CRTAP: variants seen among roughly 807,000 people sequenced by gnomAD.
CRTAP encodes cartilage-associated protein.
In CRTAP, 33 loss-of-function variants were observed where a neutral mutation model predicts 42.7. That is an observed-to-expected ratio of 0.77 (90% CI 0.59 to 1.03). CRTAP has a LOEUF of 1.03. Among genes scored for constraint, CRTAP ranks in the 50% least tolerant of loss-of-function variants. The probability of loss-of-function intolerance (pLI) is 0.00; values close to 1 mark genes in which losing one functional copy is unlikely to be tolerated. For missense variants in CRTAP, 613 were observed against 533.9 expected, an observed-to-expected ratio of 1.15 and a Z score of -1.46; for synonymous variants, 243 against 217.7, an observed-to-expected ratio of 1.12 and a Z score of -1.02.
At chr3:33,129,591 G>T (rs1000753624) in intron 3 of CRTAP, among the ~76,000 whole-genome samples, 1 of 136,802 alleles carries the variant, frequency 7.3e-6, no homozygotes, top group Non-Finnish European at 1.5e-5. Context: ...AGGCTGGAGT[G>T]CAGTGGCGCG....
intron 2 of CRTAP, among the ~76,000 whole-genome samples, chr3:33,123,234 G>A (rs976406431): frequency 6.6e-6 from 1 of 152,168 alleles, no homozygotes; most frequent in African/African-American, 2.4e-5. Context: ...AGGAAGTGGG[G>A]TGACAGACAC....
Position 33,142,666 on chromosome 3 carries a change from T to A in CRTAP, c.*218T>A. The A allele has an allele frequency of 1.9e-6, 1 of 535,868 alleles. No homozygotes were observed. The allele number at this position is 535,868 out of a possible 1,614,324, so 33.2% of individuals were successfully genotyped here. ...ATGTTCACACCTATCTTTCTCACCT[T>A]TTTTTTGAGATGGAGTCTCGCTCTC... On this transcript the variant is annotated 3_prime_UTR_variant, in exon 7 of 7. Transcript: ENST00000320954.
In CRTAP at chr3:33,117,459, C is replaced by A. The variant is rs140491917; in HGVS notation, c.472-2885C>A. On this transcript the variant is annotated intron_variant, in intron 1 of 6. Coordinates refer to ENST00000320954, the MANE Select transcript of CRTAP (RefSeq NM_006371.5). ...TTCTCGTCACCAGCCTACTCTAGGT[C>A]CATGTCATTAGCTTTCTTTGGGTTC... Among the ~76,000 whole-genome samples the A allele has an allele frequency of 7.1e-3, 1,075 of 152,302 alleles. 17 individuals are homozygous for A. The highest frequency in any genetic ancestry group is 0.024 in the African/African-American group (981 of 41,552).
At chr3:33,140,171 G>A (rs530393448) in intron 6 of CRTAP, among the ~76,000 whole-genome samples, 22 of 152,308 alleles carry the variant, frequency 1.4e-4, no homozygotes, top group Middle Eastern at 3.4e-3. Context: ...ATTCAGTAAA[G>A]CTCTCTCATG....
chr3:33,124,318 T>G, intron 2 of CRTAP, 90 bp from the exon 3 acceptor site: 1 of 1,487,032 alleles, frequency 6.7e-7, no homozygotes, highest in South Asian at 1.1e-5. Flanking sequence ...GAGAGCTAGC[T>G]TGGTGGTGGT....
Position 33,114,541 on chromosome 3 carries a change from A to C in CRTAP, c.464A>C (p.Tyr155Ser). 6.3e-7 allele frequency: 1 copy of C among 1,595,288 alleles called. No individual in the cohort carries two copies. The highest frequency in any genetic ancestry group is 8.5e-7 in the Non-Finnish European group (1 of 1,172,610). Residue 155 changes from tyrosine to serine, a missense_variant, in exon 1 of 7, where the codon TAC becomes TCC. By Grantham distance (144) the Tyr-to-Ser change is moderately radical. Transcript: ENST00000320954. ...REPYKFLQFA[Y>S]FKANNLPKAI... ...CCCTACAAGTTCCTGCAGTTCGCTT[A>C]CTTCAAGGCAAGTCCGCCTCGCCCC... is the stretch of plus-strand genomic sequence containing the variant.
In CRTAP at chr3:33,142,795, C is replaced by T. The variant is rs2030615232; in HGVS notation, c.*347C>T. The T allele has an allele frequency of 7.8e-6, 2 of 255,542 alleles. No individual in the cohort carries two copies. The highest frequency in any genetic ancestry group is 5.5e-5 in the South Asian group (1 of 18,102). 15.8% of individuals were successfully genotyped at this position (255,542 alleles called of 1,614,324 possible). ...TCAGCCTCCCGAGTACCTGGGATTA[C>T]AGGCATGTGCCACCACGCCCGGCTA... is the stretch of plus-strand genomic sequence containing the variant. On this transcript the variant is annotated 3_prime_UTR_variant, in exon 7 of 7. Coordinates refer to ENST00000320954, the MANE Select transcript of CRTAP (RefSeq NM_006371.5).
In CRTAP at chr3:33,119,882, T is replaced by C. The variant is rs146154254; in HGVS notation, c.472-462T>C. 3.0e-3 allele frequency among the ~76,000 whole-genome samples: 453 copies of C among 152,190 alleles called. 4 individuals carry two copies. Among genetic ancestry groups the C allele is most frequent in the African/African-American group, 0.011 (440 of 41,518 alleles). On this transcript the variant is annotated intron_variant, in intron 1 of 6. Coordinates refer to ENST00000320954, the MANE Select transcript of CRTAP (RefSeq NM_006371.5). Reference sequence around the variant, plus strand: ...GAAACCGGGAAGGAGGGAGACTCTATGGAGAGGGTCACCTTGAGAAGAACT... The same window carrying C: ...GAAACCGGGAAGGAGGGAGACTCTACGGAGAGGGTCACCTTGAGAAGAACT...
At chr3:33,135,022 G>C (rs13080362) in intron 6 of CRTAP, among the ~76,000 whole-genome samples, 1,606 of 152,262 alleles carry the variant, frequency 0.011, 19 homozygotes, top group Non-Finnish European at 0.017. Context: ...AGACATCTTC[G>C]TGGAATTTGT....
Position 33,146,554 on chromosome 3 carries a change from A to G in CRTAP, c.*4106A>G, listed in dbSNP as rs1276896209. On this transcript the variant is annotated 3_prime_UTR_variant, in exon 7 of 7. Transcript: ENST00000320954. ...CACATACCGACATATGCAACATACT[A>G]ATACCTTCCTGATTTTCGAGACTTT... 4 of 152,230 alleles carry G rather than the reference A, an allele frequency of 2.6e-5. No individual in the cohort carries two copies. The highest frequency in any genetic ancestry group is 7.2e-5 in the African/African-American group (3 of 41,456). The allele number at this position is 152,230 out of a possible 1,614,324, so 9.4% of individuals were successfully genotyped here.
intron 3 of CRTAP, among the ~76,000 whole-genome samples, chr3:33,124,801 G>A (rs1407710304): frequency 6.6e-6 from 1 of 152,204 alleles, no homozygotes; most frequent in Non-Finnish European, 1.5e-5. Context: ...GCACAGGCCT[G>A]CCAAGGTAGA....
chr3:33,115,456 T>C (rs892158736), intron 1 of CRTAP: 55 of 152,188 alleles, frequency 3.6e-4, no homozygotes, highest in African/African-American at 1.3e-3. Flanking sequence ...TGGCTAAAAA[T>C]AGCCACAAAT....
At chr3:33,116,368 G>T (rs1701343665) in intron 1 of CRTAP, among the ~76,000 whole-genome samples, 1 of 151,784 alleles carries the variant, frequency 6.6e-6, no homozygotes, top group African/African-American at 2.4e-5. Flanking sequence ...CTATCTATCT[G>T]TTTTTTTTGA....
At chr3:33,135,362 C>T (rs2030389625) in intron 6 of CRTAP, among the ~76,000 whole-genome samples, 1 of 152,142 alleles carries the variant, frequency 6.6e-6, no homozygotes, top group South Asian at 2.1e-4. Context: ...GGTGTAGTGG[C>T]TCACACCTGT....
At chr3:33,130,636 G>A (rs1382764217) in intron 4 of CRTAP, among the ~76,000 whole-genome samples, 2 of 141,130 alleles carry the variant, frequency 1.4e-5, no homozygotes, top group African/African-American at 5.3e-5. Flanking sequence ...AGGTTCAAGT[G>A]ATTCCCCTTC....
In CRTAP at chr3:33,130,525, C is replaced by CTT. The variant is rs765558103; in HGVS notation, c.922+482_922+483dup. On this transcript the variant is annotated intron_variant, in intron 4 of 6. Transcript: ENST00000320954. ...CTTTTTTCTTTCTTTCTTTTCTTTTCTTTTTTTTTTTTTTTTTTTTTTTTT... is the reference window on the plus strand; with the variant it reads ...CTTTTTTCTTTCTTTCTTTTCTTTTCTTTTTTTTTTTTTTTTTTTTTTTTTTT... 3.9e-3 allele frequency among the ~76,000 whole-genome samples: 216 copies of CTT among 55,258 alleles called. 1 individual carries two copies. The highest frequency in any genetic ancestry group is 5.0e-3 in the Admixed American group (18 of 3,614). 36.3% of individuals were successfully genotyped at this position (55,258 alleles called of 152,430 possible). A position where few individuals can be genotyped will look rare whatever the true frequency, so the allele number is the denominator to read the frequency against.
At chr3:33,121,995 C>G (rs2029885755) in intron 2 of CRTAP, among the ~76,000 whole-genome samples, 1 of 152,160 alleles carries the variant, frequency 6.6e-6, no homozygotes, top group Non-Finnish European at 1.5e-5. Context: ...CCCTCTGGCC[C>G]CTCCTTTGTG....
intron 4 of CRTAP, among the ~76,000 whole-genome samples, chr3:33,131,643 A>G (rs1421443351): frequency 6.6e-6 from 1 of 152,170 alleles, no homozygotes; most frequent in African/African-American, 2.4e-5. Context: ...ACTTCCTGAA[A>G]TGAGCTTCCT....
chr3:33,125,436 TTTTG>T (rs1233510812), intron 3 of CRTAP, among the ~76,000 whole-genome samples: 1 of 151,300 alleles, frequency 6.6e-6, no homozygotes, highest in Non-Finnish European at 1.5e-5. Context: ...GCGTTTTCGG[TTTTG>T]TTTTTTTTTT....
Sources: gnomAD v4.1 joint callset for allele counts (sites outside exome capture counted in the v4.1 genomes callset) on GRCh38, gnomAD v4.1.1 for gene constraint, MANE v1.5 for transcripts, NCBI Gene and HGNC (gene_info 2026-07-23, HGNC 2026-07-21) for gene names.